Variants in ABCA1 observed in about 807,000 individuals in gnomAD.
The protein encoded by ABCA1 is phospholipid-transporting ATPase ABCA1.
In ABCA1, 133 loss-of-function variants were observed where a neutral mutation model predicts 262.5. That is an observed-to-expected ratio of 0.51 (90% CI 0.44 to 0.59). The LOEUF is 0.59. Ranked by LOEUF, ABCA1 falls within the 20% of genes least tolerant of loss-of-function variation. ABCA1 has a pLI of 0.00. For missense variants in ABCA1, 2,452 were observed against 2,777.5 expected, an observed-to-expected ratio of 0.88 and a Z score of 2.63; for synonymous variants, 1,022 against 1,043.5, an observed-to-expected ratio of 0.98 and a Z score of 0.40.
At position 104,837,556 on chromosome 9, in the gene ABCA1, T is replaced by G; in HGVS notation, c.1066A>C (p.Asn356His). 1 of 1,614,128 alleles carries G rather than the reference T, an allele frequency of 6.2e-7. No individual in the cohort carries two copies. The highest frequency in any genetic ancestry group is 1.3e-5 in the African/African-American group (1 of 75,038). ...GACTCCAAATTCTTCATCAAATCATTGCAGTAAGGAGCTATGAAGAAGAGG... is the reference window on the plus strand; with the variant it reads ...GACTCCAAATTCTTCATCAAATCATGGCAGTAAGGAGCTATGAAGAAGAGG... ...FYDNSTTPYC[N>H]DLMKNLESSP... The change falls in exon 10 of 50, where the codon AAT (asparagine) becomes CAT (histidine). Residue 356 changes from asparagine to histidine, a missense_variant. Around this residue, in one of 4 missense-constraint regions of ABCA1, gnomAD observed 1,032 missense variants for 1,089.7 expected, o/e 0.95. Coordinates refer to ENST00000374736, the MANE Select transcript of ABCA1 (RefSeq NM_005502.4).
At chr9:104,803,830 C>T (rs112397456) in intron 32 of ABCA1, among the ~76,000 whole-genome samples, 1 of 152,160 alleles carries the variant, frequency 6.6e-6, no homozygotes, top group Non-Finnish European at 1.5e-5. Flanking sequence ...TGGTCTCAAA[C>T]TCCTGACCTC....
chr9:104,796,428 A>G lies in ABCA1; in HGVS notation c.5122-4T>C. 1 of 1,612,004 alleles carries G rather than the reference A, an allele frequency of 6.2e-7. No homozygotes were observed. The highest frequency in any genetic ancestry group is 1.1e-5 in the South Asian group (1 of 90,810). On this transcript the variant is annotated splice_polypyrimidine_tract_variant and splice_region_variant and intron_variant, in intron 37 of 49. Transcript: ENST00000374736. ...TGGCAGGGACAACGTAATTGCACTA[A>G]AAGTGAAAACAAAGACATCCAGTTC...
chr9:104,919,218 G>A (rs1022010687), intron 1 of ABCA1, among the ~76,000 whole-genome samples: 15 of 152,264 alleles, frequency 9.9e-5, no homozygotes, highest in African/African-American at 3.6e-4. Context: ...CTCCTCCTAG[G>A]ATGGGTACTA....
At chr9:104,843,002 T>G (rs948965553) in intron 8 of ABCA1, among the ~76,000 whole-genome samples, 7 of 152,192 alleles carry the variant, frequency 4.6e-5, no homozygotes, top group Admixed American at 4.6e-4. Context: ...TATCTGCCAT[T>G]CTTCCTGTTC....
At chr9:104,862,800 T>G (rs1413908293) in intron 5 of ABCA1, among the ~76,000 whole-genome samples, 2 of 123,296 alleles carry the variant, frequency 1.6e-5, no homozygotes, top group Admixed American at 8.4e-5. Context: ...GAGAATCACT[T>G]ACAGGTGATG....
intron 1 of ABCA1, among the ~76,000 whole-genome samples, chr9:104,917,092 A>C (rs990004105): frequency 6.6e-6 from 1 of 152,176 alleles, no homozygotes; most frequent in African/African-American, 2.4e-5. Context: ...GCATTCCTTA[A>C]AAGTTCTAGG....
intron 9 of ABCA1, among the ~76,000 whole-genome samples, chr9:104,839,002 G>T (rs556998980): frequency 4.1e-4 from 63 of 152,148 alleles, no homozygotes; most frequent in African/African-American, 1.4e-3. Flanking sequence ...GAGAAGAAAA[G>T]GTTCTTGTGT....
At chr9:104,814,396 TA>T (rs1384178734) in intron 26 of ABCA1, 30 bp downstream of exon 26, 1 of 1,610,014 alleles carries the variant, frequency 6.2e-7, no homozygotes, top group African/African-American at 1.3e-5. Context: ...GGCACTATCT[TA>T]AGTGTGCCAT....
chr9:104,828,972 T>A lies in ABCA1; in HGVS notation c.2059A>T (p.Ile687Phe). ...DNSILWFSWF[I>F]SSLIPLLVSA... ...ACAAGAAGAGGAATGAGGCTACTAA[T>A]GAACCAGCTAAACCAGAGGATGCTG... The change falls in exon 15 of 50, where the codon ATT (isoleucine) becomes TTT (phenylalanine). Residue 687 changes from isoleucine to phenylalanine, a missense_variant. Around this residue, in one of 4 missense-constraint regions of ABCA1, gnomAD observed 1,032 missense variants for 1,089.7 expected, o/e 0.95. Transcript: ENST00000374736. 1.2e-6 allele frequency: 2 copies of A among 1,614,216 alleles called. No homozygotes were observed. Among genetic ancestry groups the A allele is most frequent in the Non-Finnish European group, 1.7e-6 (2 of 1,180,044 alleles).
At position 104,831,798 on chromosome 9, in the gene ABCA1, T is replaced by C. The variant is rs1176619154; in HGVS notation, c.1539A>G (p.Ile513Met). ...TGTTGATGAGCCAGACTTCTGTTGCTATGGGTTCTAGCTTGTTCAGGTTGA... is the reference window on the plus strand; with the variant it reads ...TGTTGATGAGCCAGACTTCTGTTGCCATGGGTTCTAGCTTGTTCAGGTTGA... ...ECVNLNKLEP[I>M]ATEVWLINKS... Residue 513 changes from isoleucine to methionine, a missense_variant, in exon 13 of 50, where the codon ATA (isoleucine) becomes ATG (methionine). Physicochemically the swap from Ile to Met is conservative, Grantham distance 10 (BLOSUM62 1). Transcript: ENST00000374736. 2 of 1,614,224 alleles carry C rather than the reference T, an allele frequency of 1.2e-6. No homozygotes were observed. The highest frequency in any genetic ancestry group is 1.1e-5 in the South Asian group (1 of 91,092).
chr9:104,903,223 G>A lies in ABCA1; in HGVS notation c.66+391C>T, dbSNP rs190351609. ...ATACCCAGTATTGATCTCTAAGAGT[G>A]GGGCCACTAACTCACTTCACCCACA... is the stretch of plus-strand genomic sequence containing the variant. On this transcript the variant is annotated intron_variant, in intron 2 of 49. Transcript: ENST00000374736. 3.3e-5 allele frequency among the ~76,000 whole-genome samples: 5 copies of A among 152,308 alleles called. No homozygotes were observed. In the East Asian group the frequency reaches 7.7e-4, roughly 24 times the overall value.
chr9:104,848,246 T>A (rs1835066006), intron 7 of ABCA1, among the ~76,000 whole-genome samples: 1 of 152,164 alleles, frequency 6.6e-6, no homozygotes, highest in Non-Finnish European at 1.5e-5. Flanking sequence ...GGCAGAATTG[T>A]AAATGACTGG....
chr9:104,854,144 AG>A lies in ABCA1; in HGVS notation c.720+4377del, dbSNP rs1429507251. 7.2e-5 allele frequency among the ~76,000 whole-genome samples: 11 copies of A among 152,354 alleles called. No homozygotes were observed. In the East Asian group the frequency reaches 2.1e-3, roughly 29 times the overall value. On this transcript the variant is annotated intron_variant, in intron 7 of 49. Transcript: ENST00000374736. ...CTTGTGGGAGAGGAGTCACATGAAA[AG>A]CATAAGAAGGAATGATGGCAACCTT...
intron 5 of ABCA1, among the ~76,000 whole-genome samples, chr9:104,876,774 G>GA (rs1838202436): frequency 3.3e-5 from 5 of 152,162 alleles, no homozygotes; most frequent in Admixed American, 2.0e-4. Context: ...CCAGAGAGGG[G>GA]GCACAGCGAT....
intron 18 of ABCA1, 72 bp downstream of exon 18, chr9:104,824,393 C>A: frequency 6.2e-7 from 1 of 1,603,638 alleles, no homozygotes; most frequent in East Asian, 2.2e-5. Flanking sequence ...CAGGAGACAT[C>A]GCTTGCCCCC....
chr9:104,786,875 A>G lies in ABCA1; in HGVS notation c.6306T>C (p.His2102=), dbSNP rs1828979442. Residue 2102 remains histidine (H), a splice_region_variant and synonymous_variant, in exon 47 of 50, where the codon CAT becomes CAC. Transcript: ENST00000374736. ...KEGRSVVLTS[H]SMEECEALCT... ...GAACCCAAGACTTTACTACGGACCT[A>G]TGAGATGTAAGCACTACTGATCTCC... 1.6e-5 allele frequency: 25 copies of G among 1,612,876 alleles called. No homozygotes were observed. The highest frequency in any genetic ancestry group is 2.1e-5 in the Non-Finnish European group (25 of 1,178,858).
chr9:104,878,066 C>G (rs983226486), intron 5 of ABCA1, among the ~76,000 whole-genome samples: 2 of 152,116 alleles, frequency 1.3e-5, no homozygotes, highest in Non-Finnish European at 2.9e-5. Flanking sequence ...CAAAACTCAC[C>G]CAGAGAAACA....
At chr9:104,911,687 A>T (rs148546925) in intron 1 of ABCA1, among the ~76,000 whole-genome samples, 1 of 152,166 alleles carries the variant, frequency 6.6e-6, no homozygotes, top group South Asian at 2.1e-4. Flanking sequence ...CTCCTGAAAC[A>T]TTCCATAAAC....
At chr9:104,835,476 C>T (rs1164008825) in intron 11 of ABCA1, among the ~76,000 whole-genome samples, 1 of 152,178 alleles carries the variant, frequency 6.6e-6, no homozygotes, top group East Asian at 1.9e-4. Flanking sequence ...TGCTCTGCCA[C>T]TAAGCAGTCA....
Sources: gnomAD v4.1 joint callset for allele counts (sites outside exome capture counted in the v4.1 genomes callset) on GRCh38, gnomAD v4.1.1 for gene constraint, gnomAD v4.1.1 regional missense constraint, MANE v1.5 for transcripts, NCBI Gene and HGNC (gene_info 2026-07-23, HGNC 2026-07-21) for gene names.